GHR: variants seen among roughly 807,000 people sequenced by gnomAD.
GHR encodes the protein GH receptor.
Under a neutral mutation model 67.1 loss-of-function variants are expected in GHR, and 35 were observed. The ratio of observed to expected loss-of-function variants is 0.52; its 90% confidence interval spans 0.40 to 0.69. The LOEUF (loss-of-function observed/expected upper bound fraction) is 0.69. Among genes scored for constraint, GHR ranks in the 30% least tolerant of loss-of-function variants. The pLI, the probability that GHR is intolerant of heterozygous loss-of-function variation, is 0.00. For missense variants in GHR, 792 were observed against 764.6 expected (o/e 1.04, Z -0.42); for synonymous variants, 272 against 269.1 (o/e 1.01, Z -0.10).
chr5:42,442,767 T>A (rs1194452983), intron 1 of GHR, among the ~76,000 whole-genome samples: 1 of 152,128 alleles, frequency 6.6e-6, no homozygotes, highest in Non-Finnish European at 1.5e-5. Flanking sequence ...AAAAACATAT[T>A]AGCAATGTGA....
chr5:42,588,526 C>CAAAAAAAAAAAAAAAAAAAAAAA (rs10716908), intron 2 of GHR, among the ~76,000 whole-genome samples: 21 of 45,118 alleles, frequency 4.7e-4, no homozygotes, highest in African/African-American at 1.1e-3. Flanking sequence ...AACTCCATCT[C>CAAAAAAAAAAAAAAAAAAAAAAA]AAAAAAAAAA....
chr5:42,691,524 T>A (rs369802201), intron 4 of GHR, among the ~76,000 whole-genome samples: 21 of 152,346 alleles, frequency 1.4e-4, no homozygotes, highest in African/African-American at 5.1e-4. Flanking sequence ...TTCTTAGAAC[T>A]CAGTTGCCAG....
At chr5:42,718,367 T>C (rs1758830164) in intron 9 of GHR, 86 bp from the exon 10 acceptor site, 2 of 1,035,482 alleles carry the variant, frequency 1.9e-6, no homozygotes, top group Non-Finnish European at 3.0e-6. Flanking sequence ...ATTGTAACCA[T>C]AATTAATCTC....
chr5:42,557,816 C>T (rs953340650), intron 1 of GHR, among the ~76,000 whole-genome samples: 4 of 152,156 alleles, frequency 2.6e-5, no homozygotes, highest in African/African-American at 4.8e-5. Context: ...CAAATAAAAT[C>T]GAGTGTCCAG....
chr5:42,513,738 C>T (rs148752319), intron 1 of GHR, among the ~76,000 whole-genome samples: 6,520 of 151,754 alleles, frequency 0.043, 154 homozygotes, highest in Middle Eastern at 0.058. Flanking sequence ...GCCAAGATCG[C>T]GCCATTGCAC....
At chr5:42,576,565 G>A (rs903208019) in intron 2 of GHR, among the ~76,000 whole-genome samples, 4 of 152,166 alleles carry the variant, frequency 2.6e-5, no homozygotes, top group South Asian at 2.1e-4. Context: ...CTGACATGTA[G>A]AATTTTATTT....
intron 2 of GHR, among the ~76,000 whole-genome samples, chr5:42,567,962 T>G (rs1750045638): frequency 6.6e-6 from 1 of 152,202 alleles, no homozygotes; most frequent in African/African-American, 2.4e-5. Flanking sequence ...TCATTTTATT[T>G]TTATTGTGTC....
At chr5:42,441,128 A>T (rs1311769081) in intron 1 of GHR, among the ~76,000 whole-genome samples, 1 of 152,142 alleles carries the variant, frequency 6.6e-6, no homozygotes, top group African/African-American at 2.4e-5. Flanking sequence ...ATGAAGTGAG[A>T]GAAGAAAGCA....
intron 2 of GHR, among the ~76,000 whole-genome samples, chr5:42,567,093 G>C (rs551535461): frequency 3.3e-5 from 5 of 152,162 alleles, no homozygotes; most frequent in Non-Finnish European, 5.9e-5. Flanking sequence ...CATTTCAGCA[G>C]CTTTTCCCAT....
At chr5:42,465,626 T>C (rs1427788221) in intron 1 of GHR, 5 of 988,326 alleles carry the variant, frequency 5.1e-6, no homozygotes, top group East Asian at 2.4e-5. Flanking sequence ...TGTTAATTCA[T>C]CTTTGACAAT....
intron 2 of GHR, among the ~76,000 whole-genome samples, chr5:42,583,002 C>G (rs779389303): frequency 6.6e-6 from 1 of 152,048 alleles, no homozygotes; most frequent in African/African-American, 2.4e-5. Context: ...AGGCTGGTAG[C>G]GCAACCCGAG....
chr5:42,689,474 G>T (rs1032093445), intron 4 of GHR, among the ~76,000 whole-genome samples: 4 of 152,134 alleles, frequency 2.6e-5, no homozygotes, highest in African/African-American at 9.7e-5. Flanking sequence ...GTGTGTAAAA[G>T]GCTTGAATGA....
At chr5:42,636,139 G>C (rs1169162147) in intron 3 of GHR, among the ~76,000 whole-genome samples, 1 of 148,208 alleles carries the variant, frequency 6.7e-6, no homozygotes, top group Non-Finnish European at 1.5e-5. Context: ...GAACCCGGGA[G>C]GCGGAGCTTG....
intron 2 of GHR, among the ~76,000 whole-genome samples, chr5:42,593,139 T>C (rs1032638574): frequency 2.6e-5 from 4 of 152,232 alleles, no homozygotes; most frequent in Admixed American, 2.6e-4. Context: ...TAAAAAACCT[T>C]ATAATCAATA....
chr5:42,432,004 A>G (rs1225788683), intron 1 of GHR, among the ~76,000 whole-genome samples: 1 of 152,194 alleles, frequency 6.6e-6, no homozygotes, highest in Non-Finnish European at 1.5e-5. Context: ...AGATTTTGCA[A>G]TCTGAACAGG....
intron 2 of GHR, among the ~76,000 whole-genome samples, chr5:42,626,925 C>A (rs1218755060): frequency 6.6e-6 from 1 of 152,190 alleles, no homozygotes; most frequent in Non-Finnish European, 1.5e-5. Flanking sequence ...CAAGCCCAGA[C>A]AAGAGATGCA....
chr5:42,462,706 T>TGTGTG (rs1554053616), intron 1 of GHR, among the ~76,000 whole-genome samples: 43 of 151,466 alleles, frequency 2.8e-4, no homozygotes, highest in African/African-American at 1.0e-3. Flanking sequence ...GCGTGTGCTT[T>TGTGTG]TGTGTGTGTG....
At chr5:42,677,743 G>A (rs967128641) in intron 3 of GHR, among the ~76,000 whole-genome samples, 8 of 152,082 alleles carry the variant, frequency 5.3e-5, no homozygotes, top group African/African-American at 1.7e-4. Context: ...ATCAGCTATC[G>A]TTAGTGTTAG....
At chr5:42,582,986 G>C (rs1751269310) in intron 2 of GHR, among the ~76,000 whole-genome samples, 1 of 152,204 alleles carries the variant, frequency 6.6e-6, no homozygotes. Context: ...GGCAGGCATG[G>C]GGTCCAGGCT....
Sources: gnomAD v4.1 joint callset for allele counts (sites outside exome capture counted in the v4.1 genomes callset) on GRCh38, gnomAD v4.1.1 for gene constraint, MANE v1.5 for transcripts, NCBI Gene and HGNC (gene_info 2026-07-23, HGNC 2026-07-21) for gene names.